ATRN: variants seen among roughly 807,000 people sequenced by gnomAD.
ATRN encodes the protein attractin-2.
ATRN carries 54 observed loss-of-function variants against 178.7 expected under a neutral mutation model. The ratio of observed to expected loss-of-function variants is 0.30; its 90% confidence interval spans 0.24 to 0.38. The LOEUF is 0.38. Among genes scored for constraint, ATRN ranks in the 10% least tolerant of loss-of-function variants. ATRN has a pLI of 1.00. For synonymous variants in ATRN, 636 were observed against 663.0 expected (o/e 0.96, Z 0.63); for missense variants, 1,443 against 1,815.1 (o/e 0.79, Z 3.73).
intron 19 of ATRN, among the ~76,000 whole-genome samples, chr20:3,591,730 G>A (rs138740094): frequency 1.2e-3 from 177 of 152,308 alleles, no homozygotes; most frequent in African/African-American, 4.0e-3. Context: ...GAAGGGCAAG[G>A]TGTAAGGGCT....
chr20:3,538,261 G>A (rs528544107), intron 2 of ATRN, among the ~76,000 whole-genome samples: 1 of 152,208 alleles, frequency 6.6e-6, no homozygotes, highest in East Asian at 1.9e-4. Context: ...GTGGTTCGTG[G>A]TGAAGAATAG....
In ATRN at chr20:3,618,133, G is replaced by A. The variant is rs150524118; in HGVS notation, c.3802-6378G>A. 1.2e-4 allele frequency among the ~76,000 whole-genome samples: 19 copies of A among 152,198 alleles called. No homozygotes were observed. In the East Asian group the frequency reaches 3.1e-3, roughly 25 times the overall value. ...GTCTCCCCATATCCCAGAGAGTCAT[G>A]TCCACTTCCTATCTGTGGTGGCATC... On this transcript the variant is annotated intron_variant, in intron 24 of 28. Transcript: ENST00000262919.
intron 15 of ATRN, among the ~76,000 whole-genome samples, chr20:3,579,344 G>A (rs151213846): frequency 0.017 from 2,536 of 152,198 alleles, 77 homozygotes; most frequent in African/African-American, 0.057. Flanking sequence ...AAATTAGCCA[G>A]GCATGGTGGT....
rs1600130394 is a variant in ATRN, at chr20:3,584,144, C to G, written c.2950+61C>G. The G allele has an allele frequency of 1.4e-5, 22 of 1,524,712 alleles. No individual in the cohort carries two copies. The East Asian group carries it at 5.0e-4, about 35-fold the overall frequency. 94.4% of individuals were successfully genotyped at this position (1,524,712 alleles called of 1,614,324 possible). ...GCCCTCTGTATAGGCAACAACTCAGCCATGAGGCTGTGCTGTCAGCCTCTG... is the reference window on the plus strand; with the variant it reads ...GCCCTCTGTATAGGCAACAACTCAGGCATGAGGCTGTGCTGTCAGCCTCTG... On this transcript the variant is annotated intron_variant, in intron 17 of 28. Coordinates refer to ENST00000262919, the MANE Select transcript of ATRN (RefSeq NM_139321.3).
intron 1 of ATRN, among the ~76,000 whole-genome samples, chr20:3,480,831 G>T (rs1405180121): frequency 6.6e-6 from 1 of 152,160 alleles, no homozygotes; most frequent in Non-Finnish European, 1.5e-5. Flanking sequence ...ACATTTGTAG[G>T]TTATTTTTAT....
intron 6 of ATRN, among the ~76,000 whole-genome samples, chr20:3,554,088 A>G (rs557356089): frequency 2.6e-5 from 4 of 152,268 alleles, no homozygotes; most frequent in African/African-American, 9.6e-5. Flanking sequence ...TCCTGGAAAT[A>G]TTAATATCAC....
In ATRN at chr20:3,560,766, T is replaced by C. The variant is rs2085940186; in HGVS notation, c.1308T>C (p.Pro436=). Residue 436 remains proline (P), a synonymous_variant, in exon 8 of 29, where the codon CCT becomes CCC. Coordinates refer to ENST00000262919, the MANE Select transcript of ATRN (RefSeq NM_139321.3). ...ATGAGTCATGGGTGTTGTTGACCCC[T>C]AAGGCAAAGGAGCAGTATGCAGTGG... The part of the protein sequence containing the change: ...IHNESWVLLT[P]KAKEQYAVVG... 4 of 1,614,150 alleles carry C rather than the reference T, an allele frequency of 2.5e-6. No homozygotes were observed. The East Asian group carries it at 8.9e-5, about 36-fold the overall frequency.
intron 1 of ATRN, among the ~76,000 whole-genome samples, chr20:3,508,516 A>G (rs959446973): frequency 1.3e-5 from 2 of 152,232 alleles, no homozygotes; most frequent in Non-Finnish European, 2.9e-5. Context: ...CTACTAGTCC[A>G]CGGGCTGTAG....
In ATRN at chr20:3,547,430, A is replaced by T. The variant is rs2085721000; in HGVS notation, c.884A>T (p.His295Leu). ...TGTACAGACAACTGTGGTTTTCCTC[A>T]TCGAGGCATCTGCAATTCAAGTGAT... ...PHCTDNCGFPHRGICNSSDVR... is the reference protein window; with the variant it reads ...PHCTDNCGFPLRGICNSSDVR... The change falls in exon 5 of 29, where the codon CAT becomes CTT. Residue 295 changes from histidine (H) to leucine (L), a missense_variant. Transcript: ENST00000262919. 3.7e-6 allele frequency: 6 copies of T among 1,614,032 alleles called. No homozygotes were observed. Among genetic ancestry groups the T allele is most frequent in the Non-Finnish European group, 5.1e-6 (6 of 1,179,992 alleles).
chr20:3,618,983 A>T (rs2086874934), intron 24 of ATRN, among the ~76,000 whole-genome samples: 1 of 152,238 alleles, frequency 6.6e-6, no homozygotes, highest in Non-Finnish European at 1.5e-5. Context: ...AGCCAAGAAG[A>T]GTAGAGGCCT....
chr20:3,577,124 C>A (rs112830613), intron 14 of ATRN, 127 bp downstream of exon 14: 1 of 1,175,592 alleles, frequency 8.5e-7, no homozygotes, highest in Non-Finnish European at 1.2e-6. Context: ...ATCCCCCACA[C>A]GAGTATTATG....
At chr20:3,472,938 A>T (rs1240855225) in intron 1 of ATRN, among the ~76,000 whole-genome samples, 1 of 152,208 alleles carries the variant, frequency 6.6e-6, no homozygotes, top group Non-Finnish European at 1.5e-5. Flanking sequence ...AAAATTGTAG[A>T]CTTAGGTAAT....
chr20:3,614,933 T>C (rs1236497424), intron 24 of ATRN, among the ~76,000 whole-genome samples: 1 of 152,234 alleles, frequency 6.6e-6, no homozygotes, highest in Non-Finnish European at 1.5e-5. Context: ...GTGTTTAGTA[T>C]GTTTCAGTAC....
intron 1 of ATRN, among the ~76,000 whole-genome samples, chr20:3,495,568 T>G (rs1568687280): frequency 6.6e-6 from 1 of 152,106 alleles, no homozygotes; most frequent in Non-Finnish European, 1.5e-5. Flanking sequence ...AGCGATTTGG[T>G]CATCACAGTG....
chr20:3,635,877 T>C (rs1192189619), intron 26 of ATRN, among the ~76,000 whole-genome samples: 1 of 152,230 alleles, frequency 6.6e-6, no homozygotes, highest in Non-Finnish European at 1.5e-5. Context: ...ATTACTGATA[T>C]ACTTTAAAAG....
chr20:3,539,680 G>A (rs573198877), intron 2 of ATRN, among the ~76,000 whole-genome samples: 1 of 152,212 alleles, frequency 6.6e-6, no homozygotes, highest in East Asian at 1.9e-4. Context: ...GCTGGAACCA[G>A]TCTACCCAGT....
chr20:3,636,643 A>G (rs2087027285), intron 26 of ATRN, among the ~76,000 whole-genome samples: 1 of 152,220 alleles, frequency 6.6e-6, no homozygotes, highest in Admixed American at 6.5e-5. Flanking sequence ...TACGTAGATT[A>G]ACTAATCCTT....
intron 27 of ATRN, among the ~76,000 whole-genome samples, chr20:3,639,312 T>C (rs2087049321): frequency 6.6e-6 from 1 of 152,184 alleles, no homozygotes; most frequent in African/African-American, 2.4e-5. Context: ...TGGAGCGCAG[T>C]GGCATGATCT....
At chr20:3,542,589 T>C in intron 3 of ATRN, among the ~76,000 whole-genome samples, 1 of 116,526 alleles carries the variant, frequency 8.6e-6, no homozygotes, top group Non-Finnish European at 1.7e-5. Flanking sequence ...TCCTTCCCCT[T>C]CTCCCTTCCC....
Sources: gnomAD v4.1 joint callset for allele counts (sites outside exome capture counted in the v4.1 genomes callset) on GRCh38, gnomAD v4.1.1 for gene constraint, MANE v1.5 for transcripts, NCBI Gene and HGNC (gene_info 2026-07-23, HGNC 2026-07-21) for gene names.